Variants in SATB2 observed in about 807,000 individuals in gnomAD.
SATB2 encodes DNA-binding protein SATB2.
In SATB2, 1 loss-of-function variant was observed where a neutral mutation model predicts 73.4. The observed-to-expected ratio is 0.01, with a 90% CI of 0.00 to 0.06. The LOEUF (loss-of-function observed/expected upper bound fraction) is 0.06, where lower values mean the gene tolerates loss of function less well. SATB2 is among the 10% of genes least tolerant of loss of function. SATB2 has a pLI of 1.00. For synonymous variants in SATB2, 397 were observed against 367.0 expected (o/e 1.08, Z -0.93); for missense variants, 459 against 945.8 (o/e 0.49, Z 6.75).
At chr2:199,380,536 C>T (rs747252749) in intron 4 of SATB2, 49 bp from the exon 5 acceptor site, 10 of 1,602,098 alleles carry the variant, frequency 6.2e-6, no homozygotes, top group Non-Finnish European at 8.5e-6. Flanking sequence ...AACCAGGGTC[C>T]CTGACTGAAG....
chr2:199,285,186 T>C (rs962568286), intron 10 of SATB2, among the ~76,000 whole-genome samples: 8 of 152,146 alleles, frequency 5.3e-5, no homozygotes, highest in African/African-American at 1.9e-4. Context: ...AAAGAGATTC[T>C]GAGACCAAAA....
intron 10 of SATB2, among the ~76,000 whole-genome samples, chr2:199,300,722 T>C (rs926298128): frequency 1.3e-5 from 2 of 152,086 alleles, no homozygotes; most frequent in African/African-American, 4.8e-5. Context: ...AGGAATTTCA[T>C]TGCCCTTCAA....
chr2:199,287,091 T>C (rs372454017), intron 10 of SATB2, among the ~76,000 whole-genome samples: 2 of 152,218 alleles, frequency 1.3e-5, no homozygotes, highest in African/African-American at 4.8e-5. Flanking sequence ...GGGTTCAGAT[T>C]AAGCATGATC....
intron 2 of SATB2, among the ~76,000 whole-genome samples, chr2:199,443,487 T>C (rs1691877559): frequency 7.0e-6 from 1 of 142,656 alleles, no homozygotes; most frequent in Non-Finnish European, 1.5e-5. Flanking sequence ...AAGGAAATCA[T>C]ACTAGAATGG....
chr2:199,431,602 C>G (rs560784917), intron 3 of SATB2, among the ~76,000 whole-genome samples: 1 of 152,324 alleles, frequency 6.6e-6, no homozygotes, highest in South Asian at 2.1e-4. Flanking sequence ...TAATAATCCT[C>G]CACTGTAGAT....
At position 199,301,160 on chromosome 2, in the gene SATB2, GT is replaced by G. The variant is rs758580648; in HGVS notation, c.1740+7599del. Among the ~76,000 whole-genome samples, 14 of 152,192 alleles carry G rather than the reference GT, an allele frequency of 9.2e-5. 1 individual carries two copies. The highest frequency in any genetic ancestry group is 1.5e-4 in the Non-Finnish European group (10 of 68,004). ...AAACATATGTGACTACATGATAAAT[GT>G]TAGAAAAGCTGCAATAGAATAAAAA... is the stretch of plus-strand genomic sequence containing the variant. On this transcript the variant is annotated intron_variant, in intron 10 of 10. Coordinates refer to ENST00000417098, the MANE Select transcript of SATB2 (RefSeq NM_001172509.2).
chr2:199,334,193 T>A (rs146004812), intron 7 of SATB2, among the ~76,000 whole-genome samples: 2 of 152,182 alleles, frequency 1.3e-5, no homozygotes, highest in African/African-American at 4.8e-5. Flanking sequence ...CTGATTCCTA[T>A]GCTAAAAGTA....
rs957473390 is a variant in SATB2, at chr2:199,457,726, A to AGGC, written c.-450_-448dup. The AGGC allele has an allele frequency of 1.6e-4, 25 of 159,014 alleles. No individual in the cohort carries two copies. Among genetic ancestry groups the AGGC allele is most frequent in the South Asian group, 1.2e-3 (7 of 5,864 alleles). 9.9% of individuals were successfully genotyped at this position (159,014 alleles called of 1,614,324 possible). A position where few individuals can be genotyped will look rare whatever the true frequency, so the allele number is the denominator to read the frequency against. Reference sequence around the variant, plus strand: ...TGGAGAGAAAGGGCTGAGAACCCGGAGGCGGCGGCGGCGGCGGCGAGCCGG... The same window carrying AGGC: ...TGGAGAGAAAGGGCTGAGAACCCGGAGGCGGCGGCGGCGGCGGCGGCGAGCCGG... On this transcript the variant is annotated 5_prime_UTR_variant, in exon 1 of 11. Transcript: ENST00000417098. The surrounding 1 kb of genome is among the most constrained non-coding windows in gnomAD (Gnocchi z 4.8).
intron 3 of SATB2, among the ~76,000 whole-genome samples, chr2:199,425,071 T>C (rs1265575305): frequency 6.6e-6 from 1 of 152,226 alleles, no homozygotes; most frequent in East Asian, 1.9e-4. Context: ...AAGACAGTTA[T>C]GCTTTAAAGG....
At chr2:199,332,919 G>C (rs1688230476) in intron 7 of SATB2, among the ~76,000 whole-genome samples, 1 of 152,060 alleles carries the variant, frequency 6.6e-6, no homozygotes, top group Non-Finnish European at 1.5e-5. Flanking sequence ...AGAGCAATAA[G>C]AGAACTCACA....
chr2:199,432,187 C>T (rs926472651), intron 3 of SATB2, among the ~76,000 whole-genome samples: 45 of 152,290 alleles, frequency 3.0e-4, no homozygotes, highest in African/African-American at 1.0e-3. Flanking sequence ...TAGGGTACTA[C>T]CTGCCCTGGG....
chr2:199,287,475 A>G (rs17196295), intron 10 of SATB2, among the ~76,000 whole-genome samples: 31,350 of 152,080 alleles, frequency 0.21, 4,424 homozygotes, highest in Non-Finnish European at 0.31. Context: ...AATTCAAACC[A>G]TTTCCAAATC....
chr2:199,420,557 GT>G (rs1691134296), intron 3 of SATB2, among the ~76,000 whole-genome samples: 1 of 152,104 alleles, frequency 6.6e-6, no homozygotes, highest in Non-Finnish European at 1.5e-5. Context: ...CACCCCAAAT[GT>G]TTTAATCCCC....
At chr2:199,386,262 C>T (rs1689929261) in intron 3 of SATB2, among the ~76,000 whole-genome samples, 1 of 152,136 alleles carries the variant, frequency 6.6e-6, no homozygotes, top group Non-Finnish European at 1.5e-5. Flanking sequence ...CTTTGAGCAC[C>T]ATGTTGACAC....
At position 199,381,587 on chromosome 2, in the gene SATB2, C is replaced by G; in HGVS notation, c.473+107G>C. The G allele has an allele frequency of 4.1e-6, 6 of 1,465,050 alleles. No individual in the cohort carries two copies. In the Admixed American group the frequency reaches 1.0e-4, roughly 25 times the overall value. The allele number at this position is 1,465,050 out of a possible 1,614,324, so 90.8% of individuals were successfully genotyped here. ...CTCTCTCTCCTTCTTTTCATTTTGT[C>G]CAATGTCCAGAAATTAATAGACAGG... On this transcript the variant is annotated intron_variant, in intron 4 of 10. Transcript: ENST00000417098.
At chr2:199,375,568 C>G (rs1284757902) in intron 5 of SATB2, among the ~76,000 whole-genome samples, 3 of 152,218 alleles carry the variant, frequency 2.0e-5, no homozygotes, top group Non-Finnish European at 2.9e-5. Flanking sequence ...CTTCAGACCA[C>G]TGGGGTGTTC....
chr2:199,363,088 T>G (rs1220024631), intron 6 of SATB2, among the ~76,000 whole-genome samples: 1 of 152,176 alleles, frequency 6.6e-6, no homozygotes, highest in East Asian at 1.9e-4. Context: ...GGAATGAGCT[T>G]CTTAAGATCC....
At chr2:199,466,186 G>A (rs578063657), upstream of SATB2, among the ~76,000 whole-genome samples, 9 of 152,252 alleles carry the variant, frequency 5.9e-5, no homozygotes, top group South Asian at 1.5e-3. Context: ...GACGTCTCGC[G>A]CATTCTTCCC....
chr2:199,410,495 G>T (rs1690779835), intron 3 of SATB2, among the ~76,000 whole-genome samples: 1 of 152,174 alleles, frequency 6.6e-6, no homozygotes, highest in Non-Finnish European at 1.5e-5. Context: ...TCGTTGATCA[G>T]AACTCCATAT....
Sources: gnomAD v4.1 joint callset for allele counts (sites outside exome capture counted in the v4.1 genomes callset) on GRCh38, gnomAD v4.1.1 for gene constraint, Gnocchi (gnomAD v3.1) non-coding constraint, MANE v1.5 for transcripts, NCBI Gene and HGNC (gene_info 2026-07-23, HGNC 2026-07-21) for gene names.